The following ADD3 variants were observed in gnomAD, a reference collection of about 807,000 sequenced individuals.
The protein encoded by ADD3 is adducin 3.
Under a neutral mutation model 80.2 loss-of-function variants are expected in ADD3, and 25 were observed. That is an observed-to-expected ratio of 0.31 (90% CI 0.23 to 0.44). The LOEUF is 0.44. Ranked by LOEUF, ADD3 falls within the 20% of genes least tolerant of loss-of-function variation. The pLI, the probability that ADD3 is intolerant of heterozygous loss-of-function variation, is 1.00. For missense variants in ADD3, 829 were observed against 847.5 expected (o/e 0.98, Z 0.27); for synonymous variants, 284 against 289.6 (o/e 0.98, Z 0.20).
At chr10:110,000,131 G>C (rs1447722020) in intron 1 of ADD3, among the ~76,000 whole-genome samples, 1 of 152,172 alleles carries the variant, frequency 6.6e-6, no homozygotes, top group African/African-American at 2.4e-5. Context: ...TGTTGGCCAG[G>C]CTGGTCTTGA....
At chr10:110,103,601 A>G (rs1831986805) in intron 2 of ADD3, among the ~76,000 whole-genome samples, 1 of 152,216 alleles carries the variant, frequency 6.6e-6, no homozygotes, top group African/African-American at 2.4e-5. Context: ...CACTTCTGCC[A>G]TATTTATTAG....
chr10:110,022,894 C>T (rs1853844777), intron 1 of ADD3, among the ~76,000 whole-genome samples: 1 of 151,954 alleles, frequency 6.6e-6, no homozygotes, highest in Non-Finnish European at 1.5e-5. Context: ...TGCAAAGCCA[C>T]GTAAGTCTGT....
chr10:110,096,591 TG>T (rs557828842), intron 1 of ADD3, among the ~76,000 whole-genome samples: 9 of 151,766 alleles, frequency 5.9e-5, no homozygotes, highest in Non-Finnish European at 7.4e-5. Flanking sequence ...GATAGTTAGC[TG>T]GGGGGGGTCT....
Position 110,117,342 on chromosome 10 carries a change from G to T in ADD3, c.487G>T (p.Val163Leu). ...WAHLANTYIS[V>L]RISKEQDHII... ...AATTCCCTGTTGTTTTTTTTTCCAG[G>T]TAAGAATAAGTAAGGAGCAAGACCA... Residue 163 changes from valine (V) to leucine (L), a missense_variant and splice_region_variant, in exon 5 of 15, where the codon GTA becomes TTA. Val to Leu is a conservative substitution (Grantham distance 32). Coordinates refer to ENST00000356080, the MANE Select transcript of ADD3 (RefSeq NM_016824.5). 1 of 1,563,418 alleles carries T rather than the reference G, an allele frequency of 6.4e-7. No individual in the cohort carries two copies. The highest frequency in any genetic ancestry group is 8.8e-7 in the Non-Finnish European group (1 of 1,141,682).
chr10:110,055,135 A>G (rs17814147), intron 1 of ADD3, among the ~76,000 whole-genome samples: 9,428 of 152,304 alleles, frequency 0.062, 409 homozygotes, highest in Non-Finnish European at 0.098. Flanking sequence ...AGCTGTTTTA[A>G]TGCTAAAATA....
upstream of ADD3, among the ~76,000 whole-genome samples, chr10:110,006,399 T>C (rs1851638994): frequency 6.6e-6 from 1 of 152,222 alleles, no homozygotes; most frequent in East Asian, 1.9e-4. Context: ...TTTCATTTTT[T>C]TGCTTTTTAA....
intron 12 of ADD3, among the ~76,000 whole-genome samples, chr10:110,128,999 C>T (rs982992570): frequency 3.3e-5 from 5 of 152,058 alleles, no homozygotes; most frequent in Admixed American, 3.3e-4. Context: ...CTGGGGAATC[C>T]CCAAACATTA....
intron 1 of ADD3, among the ~76,000 whole-genome samples, chr10:110,046,422 T>TG (rs1280132058): frequency 6.8e-6 from 1 of 147,668 alleles, no homozygotes; most frequent in East Asian, 1.9e-4. Context: ...ATACGTGGAT[T>TG]TTTTTTTTTT....
At chr10:110,074,826 C>A (rs1441401136) in intron 1 of ADD3, among the ~76,000 whole-genome samples, 1 of 152,028 alleles carries the variant, frequency 6.6e-6, no homozygotes, top group Non-Finnish European at 1.5e-5. Context: ...CAAGCTCATA[C>A]TTTAGTTGTT....
chr10:110,037,907 A>G (rs1266809255), intron 1 of ADD3, among the ~76,000 whole-genome samples: 1 of 151,732 alleles, frequency 6.6e-6, no homozygotes, highest in Non-Finnish European at 1.5e-5. Flanking sequence ...TCTCTACTAA[A>G]AAATAGAAAA....
At position 110,057,731 on chromosome 10, in the gene ADD3, G is replaced by A. The variant is rs901675935; in HGVS notation, c.-29-42894G>A. 6.6e-5 allele frequency among the ~76,000 whole-genome samples: 10 copies of A among 152,258 alleles called. No homozygotes were observed. The South Asian group carries it at 2.1e-3, about 32-fold the overall frequency. The stretch of plus-strand genomic sequence containing the variant: ...TTGTTCTCCACTGAGACCCCAGCAT[G>A]TAAAATGGTAAACAGTAGGCACCCA... On this transcript the variant is annotated intron_variant, in intron 1 of 14. Transcript: ENST00000356080.
At chr10:110,059,117 T>TA (rs1370477993) in intron 1 of ADD3, among the ~76,000 whole-genome samples, 4 of 152,194 alleles carry the variant, frequency 2.6e-5, no homozygotes, top group Non-Finnish European at 4.4e-5. Context: ...TAAAGGAAAT[T>TA]CTATTTTTTT....
intron 1 of ADD3, among the ~76,000 whole-genome samples, chr10:110,039,486 T>C (rs990315283): frequency 2.6e-5 from 4 of 152,204 alleles, no homozygotes; most frequent in Non-Finnish European, 5.9e-5. Context: ...TTGAAGTTAA[T>C]GCTAATTATG....
intron 1 of ADD3, among the ~76,000 whole-genome samples, chr10:110,096,845 A>G (rs1228672820): frequency 6.6e-6 from 1 of 152,220 alleles, no homozygotes; most frequent in Non-Finnish European, 1.5e-5. Context: ...GCCGTCTTTG[A>G]AAAACGATGT....
intron 12 of ADD3, among the ~76,000 whole-genome samples, chr10:110,127,759 G>A (rs1852365248): frequency 6.6e-6 from 1 of 152,166 alleles, no homozygotes; most frequent in African/African-American, 2.4e-5. Flanking sequence ...AGGTTCATCT[G>A]GAGGATTCCT....
At chr10:110,075,203 TCA>T (rs1845245009) in intron 1 of ADD3, among the ~76,000 whole-genome samples, 2 of 152,206 alleles carry the variant, frequency 1.3e-5, no homozygotes, top group South Asian at 4.1e-4. Flanking sequence ...TGCCAGTAAA[TCA>T]GAGTGTCTAT....
intron 1 of ADD3, among the ~76,000 whole-genome samples, chr10:110,026,046 C>A (rs185893740): frequency 2.0e-5 from 3 of 152,092 alleles, no homozygotes; most frequent in South Asian, 2.1e-4. Flanking sequence ...GTATATTGTT[C>A]CAATTTTAGT....
intron 3 of ADD3, among the ~76,000 whole-genome samples, chr10:110,113,465 C>T (rs1482248237): frequency 1.3e-5 from 2 of 152,098 alleles, no homozygotes; most frequent in East Asian, 1.9e-4. Context: ...GACGGGGTTT[C>T]ACCATGTTGG....
chr10:110,037,352 C>A (rs937931541), intron 1 of ADD3, among the ~76,000 whole-genome samples: 4 of 152,204 alleles, frequency 2.6e-5, no homozygotes, highest in African/African-American at 9.7e-5. Context: ...CGCCTATAAT[C>A]CCAGCACTTT....
Sources: allele counts gnomAD v4.1 joint callset (sites outside exome capture counted in the v4.1 genomes callset), GRCh38; gene constraint gnomAD v4.1.1; transcripts MANE v1.5; gene names NCBI Gene and HGNC (gene_info 2026-07-23, HGNC 2026-07-21).